Variants in CLPX observed in about 807,000 individuals in gnomAD.
CLPX encodes ATP-dependent clpX-like chaperone, mitochondrial.
A neutral mutation model predicts 76.4 loss-of-function variants in CLPX; 34 were observed. The ratio of observed to expected loss-of-function variants is 0.45; its 90% CI spans 0.34 to 0.59. The LOEUF (loss-of-function observed/expected upper bound fraction) is 0.59. CLPX is among the 20% of genes least tolerant of loss of function. CLPX has a pLI of 0.01. For synonymous variants in CLPX, 248 were observed against 270.9 expected (o/e 0.92, Z 0.83); for missense variants, 613 against 757.0 (o/e 0.81, Z 2.23).
intron 4 of CLPX, among the ~76,000 whole-genome samples, chr15:65,166,155 G>A (rs567402029): frequency 2.0e-5 from 3 of 152,092 alleles, no homozygotes; most frequent in African/African-American, 7.2e-5. Flanking sequence ...GGAGCAGCCC[G>A]GCACACTGGC....
Position 65,153,565 on chromosome 15 carries a change from T to C in CLPX, c.1686A>G (p.Arg562=). ...RLALERKTGA[R]GLRSIMEKLL... ...AACTCACCATTATGGACCGAAGGCCTCGTGCACCTGTTTTTCGTTCTAGTG... is the reference window on the plus strand; with the variant it reads ...AACTCACCATTATGGACCGAAGGCCCCGTGCACCTGTTTTTCGTTCTAGTG... The change falls in exon 12 of 14, where the codon CGA becomes CGG. Residue 562 remains arginine (R), a synonymous_variant. Transcript: ENST00000300107. 1 of 1,597,954 alleles carries C rather than the reference T, an allele frequency of 6.3e-7. No homozygotes were observed. Among genetic ancestry groups the C allele is most frequent in the Non-Finnish European group, 8.5e-7 (1 of 1,172,394 alleles).
chr15:65,152,227 C>T (rs1217222778), intron 13 of CLPX, among the ~76,000 whole-genome samples: 1 of 152,106 alleles, frequency 6.6e-6, no homozygotes, highest in Non-Finnish European at 1.5e-5. Flanking sequence ...CACACCCGGC[C>T]TGATGATCAA....
At chr15:65,184,165 AC>A (rs1345689347) in intron 1 of CLPX, among the ~76,000 whole-genome samples, 3 of 152,208 alleles carry the variant, frequency 2.0e-5, no homozygotes, top group African/African-American at 7.2e-5. Flanking sequence ...AGGGTCATAA[AC>A]CGATAAGCCA....
intron 4 of CLPX, among the ~76,000 whole-genome samples, chr15:65,165,813 A>C (rs1171286480): frequency 1.3e-5 from 2 of 152,196 alleles, no homozygotes; most frequent in Admixed American, 1.3e-4. Context: ...ACATTTTATT[A>C]TAGTTTTAAA....
chr15:65,179,166 A>G (rs2088130131), intron 2 of CLPX, 115 bp from the exon 3 acceptor site: 1 of 575,950 alleles, frequency 1.7e-6, no homozygotes, highest in Non-Finnish European at 3.1e-6. Context: ...TATTTCTAGG[A>G]TGAAATTATT....
In CLPX at chr15:65,166,606, G is replaced by GA. The variant is rs770649960; in HGVS notation, c.513+24_513+25insT. 12 of 1,609,738 alleles carry GA rather than the reference G, an allele frequency of 7.5e-6. No individual in the cohort carries two copies. In the African/African-American group the frequency reaches 1.6e-4, roughly 22 times the overall value. On this transcript the variant is annotated intron_variant, in intron 4 of 13. Coordinates refer to ENST00000300107, the MANE Select transcript of CLPX (RefSeq NM_006660.5). ...GGAATGTTTTCAAGATAAAATACTT[G>GA]TAAGACTGAGCTTAAGACTTATACC...
chr15:65,172,624 C>T (rs2088025908), intron 3 of CLPX, among the ~76,000 whole-genome samples: 1 of 152,100 alleles, frequency 6.6e-6, no homozygotes, highest in African/African-American at 2.4e-5. Context: ...AAGAGCGAAA[C>T]TCCGTCTGGG....
chr15:65,165,775 T>C (rs1029774840), intron 4 of CLPX, among the ~76,000 whole-genome samples: 15 of 152,216 alleles, frequency 9.9e-5, no homozygotes, highest in African/African-American at 3.4e-4. Flanking sequence ...CCATTTTTAA[T>C]GACAAATTCT....
At chr15:65,169,905 C>T (rs1383835838) in intron 3 of CLPX, among the ~76,000 whole-genome samples, 2 of 151,912 alleles carry the variant, frequency 1.3e-5, no homozygotes, top group Non-Finnish European at 2.9e-5. Flanking sequence ...GGATTACAGG[C>T]ATGTGTCACC....
At chr15:65,180,592 A>T (rs2088153522) in intron 1 of CLPX, among the ~76,000 whole-genome samples, 1 of 152,090 alleles carries the variant, frequency 6.6e-6, no homozygotes, top group African/African-American at 2.4e-5. Flanking sequence ...ACAGCAACTC[A>T]TCTGTTATTA....
intron 1 of CLPX, among the ~76,000 whole-genome samples, chr15:65,182,624 CGTTGTGTTTCA>C (rs1462495344): frequency 6.6e-6 from 1 of 152,172 alleles, no homozygotes; most frequent in African/African-American, 2.4e-5. Context: ...GCCAAGGAAA[CGTTGTGTTTCA>C]GTTAGAGCTT....
intron 3 of CLPX, among the ~76,000 whole-genome samples, chr15:65,175,505 A>G (rs1160660007): frequency 6.6e-6 from 1 of 152,172 alleles, no homozygotes; most frequent in Non-Finnish European, 1.5e-5. Flanking sequence ...TCAGAAAAAC[A>G]ATAGAAACAA....
rs758590719 is a variant in CLPX, at chr15:65,155,842, T to C, written c.1161A>G (p.Leu387=). ...GEGVQQGLLK[L]LEGTIVNVPE... ...GAACATTGACTATTGTGCCTTCTAG[T>C]AGTTTTAATAAGCCCTAAATAAAGA... The change falls in exon 10 of 14, where the codon CTA becomes CTG. Residue 387 remains leucine (L), a synonymous_variant. Coordinates refer to ENST00000300107, the MANE Select transcript of CLPX (RefSeq NM_006660.5). The C allele has an allele frequency of 4.3e-6, 7 of 1,613,260 alleles. No homozygotes were observed. The South Asian group carries it at 5.5e-5, about 13-fold the overall frequency.
At chr15:65,154,210 C>T (rs2087759214) in intron 11 of CLPX, among the ~76,000 whole-genome samples, 2 of 152,128 alleles carry the variant, frequency 1.3e-5, no homozygotes, top group South Asian at 4.1e-4. Flanking sequence ...GTGATAGTCA[C>T]AGACAGACAT....
At chr15:65,184,938 G>T in intron 1 of CLPX, 137 bp downstream of exon 1, 1 of 728,044 alleles carries the variant, frequency 1.4e-6, no homozygotes, top group Non-Finnish European at 2.4e-6. Flanking sequence ...AGTGGTGGGT[G>T]CCGGGCGAAG....
intron 12 of CLPX, among the ~76,000 whole-genome samples, chr15:65,152,749 C>A (rs576117971): frequency 2.8e-4 from 42 of 150,942 alleles, no homozygotes; most frequent in Non-Finnish European, 5.9e-4. Flanking sequence ...GCGTAAGCCA[C>A]CAAATCTGGC....
At chr15:65,177,555 G>C (rs563663479) in intron 3 of CLPX, among the ~76,000 whole-genome samples, 36 of 152,230 alleles carry the variant, frequency 2.4e-4, no homozygotes, top group South Asian at 4.1e-4. Context: ...CAATATTAGG[G>C]TTAGGAGATA....
chr15:65,159,359 A>G (rs1260305366), intron 6 of CLPX, among the ~76,000 whole-genome samples: 1 of 152,174 alleles, frequency 6.6e-6, no homozygotes, highest in East Asian at 1.9e-4. Flanking sequence ...GATTCCTACA[A>G]AAATAAATCT....
At chr15:65,174,364 A>G (rs2088058007) in intron 3 of CLPX, among the ~76,000 whole-genome samples, 1 of 151,974 alleles carries the variant, frequency 6.6e-6, no homozygotes, top group Non-Finnish European at 1.5e-5. Context: ...TCCCGGGTTC[A>G]AGCAATTCTC....
Sources: gnomAD v4.1 joint callset for allele counts (sites outside exome capture counted in the v4.1 genomes callset) on GRCh38, gnomAD v4.1.1 for gene constraint, MANE v1.5 for transcripts, NCBI Gene and HGNC (gene_info 2026-07-23, HGNC 2026-07-21) for gene names.